ANTXR2: variants seen among roughly 807,000 people sequenced by gnomAD.
ANTXR2 encodes the protein anthrax toxin receptor 2.
Under a neutral mutation model 73.7 loss-of-function variants are expected in ANTXR2, and 44 were observed. That is an observed-to-expected ratio of 0.60 (90% CI 0.47 to 0.77). The LOEUF (loss-of-function observed/expected upper bound fraction) is 0.77, where lower values mean the gene tolerates loss of function less well. Ranked by LOEUF, ANTXR2 falls within the 30% of genes least tolerant of loss-of-function variation. The probability of loss-of-function intolerance (pLI) is 0.00; values close to 1 mark genes in which losing one functional copy is unlikely to be tolerated. For synonymous variants in ANTXR2, 217 were observed against 205.9 expected (o/e 1.05, Z -0.46); for missense variants, 604 against 592.5 (o/e 1.02, Z -0.20).
chr4:79,989,537 G>A (rs1222235467), intron 12 of ANTXR2, among the ~76,000 whole-genome samples: 1 of 152,004 alleles, frequency 6.6e-6, no homozygotes, highest in Non-Finnish European at 1.5e-5. Flanking sequence ...ATTCATGGCT[G>A]AATTCTACCA....
intron 16 of ANTXR2, among the ~76,000 whole-genome samples, chr4:79,930,141 T>C (rs1007506414): frequency 6.6e-6 from 1 of 152,198 alleles, no homozygotes; most frequent in Non-Finnish European, 1.5e-5. Flanking sequence ...GATACTTGTA[T>C]AGTTCTTTTA....
At chr4:79,978,306 T>C in intron 14 of ANTXR2, 132 bp from the exon 15 acceptor site, 6 of 777,180 alleles carry the variant, frequency 7.7e-6, no homozygotes, top group Non-Finnish European at 1.1e-5. Flanking sequence ...TAATTCCTAA[T>C]TTCTCCTCTT....
At chr4:79,926,681 C>T (rs1727792767) in intron 16 of ANTXR2, among the ~76,000 whole-genome samples, 1 of 152,082 alleles carries the variant, frequency 6.6e-6, no homozygotes, top group African/African-American at 2.4e-5. Flanking sequence ...TGAAGTTACT[C>T]TAACTTATTA....
At chr4:80,045,729 A>T (rs1272513524) in intron 7 of ANTXR2, among the ~76,000 whole-genome samples, 1 of 151,816 alleles carries the variant, frequency 6.6e-6, no homozygotes, top group Non-Finnish European at 1.5e-5. Flanking sequence ...GTAATTAGAC[A>T]TCCAACTGCA....
chr4:80,026,542 C>G (rs888916443), intron 10 of ANTXR2, among the ~76,000 whole-genome samples: 3 of 126,722 alleles, frequency 2.4e-5, no homozygotes, highest in African/African-American at 7.4e-5. Flanking sequence ...AGAATATTCT[C>G]TACATCCTCA....
chr4:79,993,785 T>C (rs71612991), intron 12 of ANTXR2, among the ~76,000 whole-genome samples: 10,650 of 75,522 alleles, frequency 0.14, 454 homozygotes, highest in Middle Eastern at 0.23. Context: ...CACACACACA[T>C]GCACTTTTTC....
intron 10 of ANTXR2, among the ~76,000 whole-genome samples, chr4:80,023,673 G>A (rs1732282622): frequency 6.6e-6 from 1 of 152,166 alleles, no homozygotes; most frequent in Non-Finnish European, 1.5e-5. Context: ...CTTAAAGAAT[G>A]ATCAGAAGTT....
intron 12 of ANTXR2, among the ~76,000 whole-genome samples, chr4:79,997,551 T>C (rs1358717515): frequency 1.3e-5 from 2 of 151,976 alleles, no homozygotes; most frequent in African/African-American, 4.8e-5. Flanking sequence ...GAAGTCCTTC[T>C]TTTCTGAATC....
chr4:79,952,336 CT>C (rs1193003137), intron 16 of ANTXR2, among the ~76,000 whole-genome samples: 17 of 151,146 alleles, frequency 1.1e-4, no homozygotes, highest in African/African-American at 4.1e-4. Context: ...TGAGGCTTTT[CT>C]TTATCCCCCA....
intron 3 of ANTXR2, among the ~76,000 whole-genome samples, chr4:80,066,138 T>G (rs912681196): frequency 3.3e-5 from 5 of 152,178 alleles, no homozygotes; most frequent in African/African-American, 1.2e-4. Context: ...TTAAATAAAA[T>G]TAGTAAAATA....
intron 14 of ANTXR2, 41 bp from the exon 15 acceptor site, chr4:79,978,215 G>A: frequency 1.9e-6 from 3 of 1,583,974 alleles, no homozygotes; most frequent in Non-Finnish European, 2.6e-6. Context: ...GACATAAAGT[G>A]TCCTAGAGGA....
intron 16 of ANTXR2, among the ~76,000 whole-genome samples, chr4:79,962,584 A>C (rs1284827481): frequency 6.6e-6 from 1 of 152,184 alleles, no homozygotes; most frequent in South Asian, 2.1e-4. Context: ...ATAGAAATAA[A>C]AGGTAAACAA....
At chr4:79,917,633 AATCCTTAATCCT>A (rs1727406699) in intron 16 of ANTXR2, among the ~76,000 whole-genome samples, 1 of 152,186 alleles carries the variant, frequency 6.6e-6, no homozygotes, top group Admixed American at 6.6e-5. Flanking sequence ...ACTGAAGGCA[AATCCTTAATCCT>A]ATCCTCAAAT....
At position 79,929,253 on chromosome 4, in the gene ANTXR2, C is replaced by A. The variant is rs146415215; in HGVS notation, c.1429-21786G>T. 8.0e-3 allele frequency among the ~76,000 whole-genome samples: 1,211 copies of A among 152,034 alleles called. 17 individuals are homozygous for A. The highest frequency in any genetic ancestry group is 0.043 in the South Asian group (205 of 4,804). The stretch of plus-strand genomic sequence containing the variant: ...TGGGAGGGCAGGCGCAGTGGCTCAC[C>A]CCTGTAATCCCAGCACTTTGGGAGG... On this transcript the variant is annotated intron_variant, in intron 16 of 16. Coordinates refer to ENST00000403729, the MANE Select transcript of ANTXR2 (RefSeq NM_058172.6).
intron 7 of ANTXR2, among the ~76,000 whole-genome samples, chr4:80,038,575 A>C (rs1733090340): frequency 6.6e-6 from 1 of 152,248 alleles, no homozygotes; most frequent in Non-Finnish European, 1.5e-5. Flanking sequence ...AATTAAGCAG[A>C]GATTAAGGAT....
intron 3 of ANTXR2, among the ~76,000 whole-genome samples, chr4:80,065,919 T>C (rs543804763): frequency 6.6e-6 from 1 of 152,376 alleles, no homozygotes; most frequent in African/African-American, 2.4e-5. Context: ...GATTGTAATA[T>C]ATAACATCAA....
Position 80,069,477 on chromosome 4 carries a change from A to C in ANTXR2, c.255T>G (p.Phe85Leu). Residue 85 changes from phenylalanine to leucine, a missense_variant, in exon 3 of 17, where the codon TTT becomes TTG. Coordinates refer to ENST00000403729, the MANE Select transcript of ANTXR2 (RefSeq NM_058172.6). ...SPEMRLSFIV[F>L]SSQATIILPL... ...GCAAAATAATAGTTGCTTGAGAAGA[A>C]AACACAATGAAAGATAATCTCATTT... is the stretch of plus-strand genomic sequence containing the variant. The C allele has an allele frequency of 6.2e-7, 1 of 1,605,412 alleles. No individual in the cohort carries two copies. Among genetic ancestry groups the C allele is most frequent in the Non-Finnish European group, 8.5e-7 (1 of 1,174,952 alleles).
At chr4:79,972,920 T>TAAAAAAAAAAAAAAAAAGAAAAAAAAA (rs1553929136) in intron 16 of ANTXR2, among the ~76,000 whole-genome samples, 9 of 53,162 alleles carry the variant, frequency 1.7e-4, no homozygotes, top group Non-Finnish European at 2.4e-4. Flanking sequence ...TAGAGTATAA[T>TAAAAAAAAAAAAAAAAAGAAAAAAAAA]AAAAAAAAAA....
intron 16 of ANTXR2, among the ~76,000 whole-genome samples, chr4:79,955,712 C>T (rs545530335): frequency 1.3e-5 from 2 of 152,210 alleles, no homozygotes; most frequent in African/African-American, 2.4e-5. Flanking sequence ...TTTTTCTATA[C>T]ACAAATGAGA....
Sources: gnomAD v4.1 joint callset for allele counts (sites outside exome capture counted in the v4.1 genomes callset) on GRCh38, gnomAD v4.1.1 for gene constraint, MANE v1.5 for transcripts, NCBI Gene and HGNC (gene_info 2026-07-23, HGNC 2026-07-21) for gene names.